The following ADAMTS17 variants were observed in gnomAD, a reference collection of about 807,000 sequenced individuals.
ADAMTS17 encodes the protein A disintegrin and metalloproteinase with thrombospondin motifs 17.
In ADAMTS17, 113 loss-of-function variants were observed where a neutral mutation model predicts 141.5. The observed-to-expected ratio is 0.80, with a 90% CI of 0.69 to 0.93. The LOEUF is 0.93. Ranked by LOEUF, ADAMTS17 falls within the 40% of genes least tolerant of loss-of-function variation. The pLI is 0.00. For missense variants in ADAMTS17, 1,659 were observed against 1,517.9 expected, an observed-to-expected ratio of 1.09 and a Z score of -1.54; for synonymous variants, 768 against 630.6, an observed-to-expected ratio of 1.22 and a Z score of -3.27.
At chr15:100,273,387 ACT>A (rs1326729594) in intron 4 of ADAMTS17, among the ~76,000 whole-genome samples, 3 of 151,992 alleles carry the variant, frequency 2.0e-5, no homozygotes, top group African/African-American at 7.2e-5. Flanking sequence ...ACTAATTATG[ACT>A]CTTCAAATTT....
Position 100,341,376 on chromosome 15 carries a change from AC to A in ADAMTS17, c.112del (p.Val38CysfsTer125). 9.8e-7 allele frequency: 1 copy of A among 1,017,030 alleles called. No homozygotes were observed. The highest frequency in any genetic ancestry group is 1.2e-6 in the Non-Finnish European group (1 of 852,556). The allele number at this position is 1,017,030 out of a possible 1,614,324, so 63.0% of individuals were successfully genotyped here. On this transcript the variant is annotated frameshift_variant, in exon 2 of 22. Transcript: ENST00000268070. LOFTEE classifies it high-confidence loss of function. ...VGDAAADVEV[V>X]LPWRVRPDDV... ...GTCGGGGCGCACCCGCCACGGGAGC[AC>A]CACCTCCACGTCGGCCGCCGCGTCG...
chr15:100,108,713 T>C (rs1009142398), intron 14 of ADAMTS17, among the ~76,000 whole-genome samples: 1 of 152,216 alleles, frequency 6.6e-6, no homozygotes, highest in African/African-American at 2.4e-5. Flanking sequence ...TACCTTCGTC[T>C]TGGTCATGAT....
Position 99,993,061 on chromosome 15 carries a change from CCA to C in ADAMTS17, c.2934_2935del (p.Asp980LeufsTer158). 1.2e-6 allele frequency: 2 copies of C among 1,614,178 alleles called. No homozygotes were observed. Among genetic ancestry groups the C allele is most frequent in the Non-Finnish European group, 1.7e-6 (2 of 1,180,040 alleles). The stretch of plus-strand genomic sequence containing the variant: ...GGCTGCTCTCACCGTAGACCAGTCC[CCA>C]GTTTTCCACTCGTAGCAGCCTGAGT... On this transcript the variant is annotated frameshift_variant, in exon 20 of 22. Coordinates refer to ENST00000268070, the MANE Select transcript of ADAMTS17 (RefSeq NM_139057.4). LOFTEE classifies it high-confidence loss of function. This position sits in a 1 kb window ranked among gnomAD's most constrained non-coding sequence, Gnocchi z 4.3.
chr15:100,177,331 T>G (rs371861366), intron 8 of ADAMTS17, among the ~76,000 whole-genome samples: 11 of 152,242 alleles, frequency 7.2e-5, no homozygotes, highest in African/African-American at 2.7e-4. Flanking sequence ...TCCCACAAAT[T>G]TTGATAAAAT....
At chr15:100,078,960 A>G (rs2034557843) in intron 15 of ADAMTS17, among the ~76,000 whole-genome samples, 1 of 152,230 alleles carries the variant, frequency 6.6e-6, no homozygotes, top group African/African-American at 2.4e-5. Context: ...AGCAAATAAA[A>G]AGATGCTAAT....
intron 18 of ADAMTS17, among the ~76,000 whole-genome samples, chr15:100,006,456 G>T (rs1323831668): frequency 6.6e-6 from 1 of 152,226 alleles, no homozygotes; most frequent in African/African-American, 2.4e-5. Context: ...TTGTTGCAAA[G>T]AAACAATGCC....
intron 3 of ADAMTS17, among the ~76,000 whole-genome samples, chr15:100,303,723 T>G: frequency 6.6e-6 from 1 of 152,050 alleles, no homozygotes; most frequent in South Asian, 2.1e-4. Flanking sequence ...TTTATTTTAT[T>G]TTATTTATTT....
At chr15:100,168,040 C>G (rs943349909) in intron 8 of ADAMTS17, among the ~76,000 whole-genome samples, 3 of 152,220 alleles carry the variant, frequency 2.0e-5, no homozygotes, top group African/African-American at 7.2e-5. Flanking sequence ...CACCGCAGGA[C>G]GAACAAGGCG....
chr15:100,279,829 A>T (rs11635689), intron 4 of ADAMTS17, among the ~76,000 whole-genome samples: 62,856 of 151,992 alleles, frequency 0.41, 13,640 homozygotes, highest in South Asian at 0.59. Flanking sequence ...GCTGAGTTGT[A>T]GCTGTTTCTG....
chr15:100,333,083 C>A (rs1259172793), intron 2 of ADAMTS17, among the ~76,000 whole-genome samples: 1 of 152,182 alleles, frequency 6.6e-6, no homozygotes, highest in East Asian at 1.9e-4. Context: ...CACAGTCTCA[C>A]CCCAAATACC....
At chr15:100,032,204 T>C (rs998427771) in intron 18 of ADAMTS17, among the ~76,000 whole-genome samples, 5 of 152,252 alleles carry the variant, frequency 3.3e-5, no homozygotes, top group Admixed American at 2.0e-4. Context: ...ACTTGGGGTC[T>C]GACTGAGAGT....
intron 7 of ADAMTS17, among the ~76,000 whole-genome samples, chr15:100,216,320 G>A (rs544199538): frequency 6.6e-6 from 1 of 152,346 alleles, no homozygotes; most frequent in East Asian, 1.9e-4. Context: ...CCAAAACTCT[G>A]TGCCAAAAGG....
chr15:100,046,518 GT>G (rs1343092853), intron 18 of ADAMTS17, among the ~76,000 whole-genome samples: 1 of 152,242 alleles, frequency 6.6e-6, no homozygotes, highest in Non-Finnish European at 1.5e-5. Context: ...TTTAAAACAT[GT>G]TGTGGGAAGT....
At chr15:100,140,495 A>ATATATATATATATATATATATT in intron 10 of ADAMTS17, among the ~76,000 whole-genome samples, 1 of 145,982 alleles carries the variant, frequency 6.9e-6, no homozygotes, top group South Asian at 2.2e-4. Context: ...ATACATATAT[A>ATATATATATATATATATATATT]TATATATATA....
At chr15:100,035,020 C>T (rs1324746564) in intron 18 of ADAMTS17, among the ~76,000 whole-genome samples, 1 of 152,164 alleles carries the variant, frequency 6.6e-6, no homozygotes, top group Non-Finnish European at 1.5e-5. Context: ...CAGCAAATGC[C>T]CCATCACCCC....
chr15:100,261,817 T>C (rs551051636), intron 5 of ADAMTS17, among the ~76,000 whole-genome samples, 181 bp from the exon 6 acceptor site: 1 of 152,260 alleles, frequency 6.6e-6, no homozygotes, highest in Non-Finnish European at 1.5e-5. Context: ...AGAGAGACCA[T>C]CAGGGGCCTT....
intron 12 of ADAMTS17, among the ~76,000 whole-genome samples, chr15:100,119,043 T>TACACACACACACACAC (rs60655404): frequency 2.2e-4 from 32 of 148,702 alleles, no homozygotes; most frequent in East Asian, 7.9e-4. Flanking sequence ...CATCTGGAGA[T>TACACACACACACACAC]ACACACACAC....
chr15:100,048,551 T>C (rs575348920), intron 18 of ADAMTS17, among the ~76,000 whole-genome samples: 13 of 151,794 alleles, frequency 8.6e-5, no homozygotes, highest in Non-Finnish European at 1.5e-4. Flanking sequence ...ACAAAGTAAT[T>C]TGGGGAAGCC....
chr15:99,984,661 C>G (rs936583768), intron 20 of ADAMTS17, among the ~76,000 whole-genome samples: 2 of 152,264 alleles, frequency 1.3e-5, no homozygotes, highest in African/African-American at 4.8e-5. Context: ...CTAAACTCAT[C>G]TGATGGCGGA....
Sources: allele counts gnomAD v4.1 joint callset (sites outside exome capture counted in the v4.1 genomes callset), GRCh38; gene constraint gnomAD v4.1.1; non-coding constraint Gnocchi (gnomAD v3.1); transcripts MANE v1.5; gene names NCBI Gene and HGNC (gene_info 2026-07-23, HGNC 2026-07-21).